The following NCOA1 variants were observed in gnomAD, a reference collection of about 807,000 sequenced individuals.
NCOA1 encodes the protein Hin-2 protein.
A neutral mutation model predicts 150.9 loss-of-function variants in NCOA1; 35 were observed. That is an observed-to-expected ratio of 0.23 (90% confidence interval 0.18 to 0.31). The LOEUF is 0.31. Ranked by LOEUF, NCOA1 falls within the 10% of genes least tolerant of loss-of-function variation. The pLI is 1.00. For synonymous variants in NCOA1, 590 were observed against 630.0 expected, an observed-to-expected ratio of 0.94 and a Z score of 0.95; for missense variants, 1,491 against 1,749.3, an observed-to-expected ratio of 0.85 and a Z score of 2.63.
chr2:24,541,655 T>G (rs1350012569), intron 1 of NCOA1, among the ~76,000 whole-genome samples: 1 of 152,150 alleles, frequency 6.6e-6, no homozygotes, highest in Non-Finnish European at 1.5e-5. Context: ...AAAGATTTTT[T>G]GACATAAAGG....
chr2:24,625,690 T>C (rs1023310114), intron 3 of NCOA1, among the ~76,000 whole-genome samples: 2 of 152,132 alleles, frequency 1.3e-5, no homozygotes, highest in East Asian at 3.9e-4. Flanking sequence ...GATGTTTGTA[T>C]GTATTTTTAT....
chr2:24,627,235 A>G (rs1189344251), intron 3 of NCOA1, among the ~76,000 whole-genome samples: 4 of 150,840 alleles, frequency 2.7e-5, no homozygotes, highest in Non-Finnish European at 1.5e-5. Context: ...TACATGTGAT[A>G]TAAATTAGCA....
chr2:24,495,426 C>G (rs757469844), intron 1 of NCOA1, among the ~76,000 whole-genome samples: 12 of 151,994 alleles, frequency 7.9e-5, no homozygotes, highest in African/African-American at 2.7e-4. Flanking sequence ...TCTAGTCACT[C>G]GAGGAGTTAT....
At chr2:24,586,258 AG>A (rs1667402647) in intron 3 of NCOA1, among the ~76,000 whole-genome samples, 1 of 144,028 alleles carries the variant, frequency 6.9e-6, no homozygotes. Context: ...CCTGGGCGAC[AG>A]AGCAAGACTC....
chr2:24,731,502 G>A (rs1402792095), intron 17 of NCOA1, among the ~76,000 whole-genome samples: 1 of 152,044 alleles, frequency 6.6e-6, no homozygotes, highest in African/African-American at 2.4e-5. Context: ...AACATAATAT[G>A]TAATATAAAA....
intron 3 of NCOA1, among the ~76,000 whole-genome samples, chr2:24,605,913 C>A (rs532842082): frequency 6.6e-6 from 1 of 152,168 alleles, no homozygotes; most frequent in African/African-American, 2.4e-5. Context: ...TGTACCTTTT[C>A]CTACCTGTTA....
intron 1 of NCOA1, among the ~76,000 whole-genome samples, chr2:24,553,172 G>T (rs1197105069): frequency 6.6e-6 from 1 of 151,532 alleles, no homozygotes; most frequent in Non-Finnish European, 1.5e-5. Flanking sequence ...TCTGTTTCTA[G>T]TTTTCTGAGA....
intron 3 of NCOA1, among the ~76,000 whole-genome samples, chr2:24,607,726 C>G (rs1668436282): frequency 6.6e-6 from 1 of 151,272 alleles, no homozygotes; most frequent in Admixed American, 6.6e-5. Flanking sequence ...ACTTTAGTTT[C>G]TTACACTATT....
chr2:24,621,432 ATTTTTTTTTT>A (rs1162282258), intron 3 of NCOA1, among the ~76,000 whole-genome samples: 53 of 38,892 alleles, frequency 1.4e-3, no homozygotes, highest in African/African-American at 3.1e-3. Context: ...ATTCAGGCAG[ATTTTTTTTTT>A]TTTTTTTTTT....
intron 13 of NCOA1, 147 bp from the exon 14 acceptor site, chr2:24,710,784 G>GC: frequency 1.3e-6 from 1 of 747,556 alleles, no homozygotes; most frequent in Admixed American, 2.9e-5. Context: ...TTTCCAAGTA[G>GC]CCCCAATCAT....
chr2:24,635,276 C>T (rs566748884), intron 3 of NCOA1, among the ~76,000 whole-genome samples: 1 of 151,838 alleles, frequency 6.6e-6, no homozygotes, highest in Non-Finnish European at 1.5e-5. Flanking sequence ...AATATGGATT[C>T]ATCATGTACT....
At chr2:24,610,703 A>G (rs1321772796) in intron 3 of NCOA1, among the ~76,000 whole-genome samples, 1 of 151,152 alleles carries the variant, frequency 6.6e-6, no homozygotes, top group African/African-American at 2.4e-5. Flanking sequence ...ATTTTACAAC[A>G]AATTTTGTTG....
intron 13 of NCOA1, among the ~76,000 whole-genome samples, chr2:24,709,563 G>T (rs1317470280): frequency 2.0e-5 from 3 of 151,942 alleles, no homozygotes; most frequent in Non-Finnish European, 4.4e-5. Context: ...TCCTTTATTG[G>T]ACATATATTT....
At chr2:24,592,311 C>T (rs1161110418) in intron 3 of NCOA1, among the ~76,000 whole-genome samples, 3 of 152,020 alleles carry the variant, frequency 2.0e-5, no homozygotes, top group African/African-American at 4.8e-5. Flanking sequence ...ACTCAGTGAC[C>T]TTGTGAAGAG....
intron 2 of NCOA1, among the ~76,000 whole-genome samples, chr2:24,571,914 CT>C (rs1386010464): frequency 2.0e-4 from 31 of 152,176 alleles, no homozygotes; most frequent in Non-Finnish European, 1.0e-4. Flanking sequence ...GCTCATTTTA[CT>C]TTTGATTACT....
chr2:24,548,179 C>T (rs62142276), intron 1 of NCOA1, among the ~76,000 whole-genome samples: 22,521 of 152,020 alleles, frequency 0.15, 2,025 homozygotes, highest in Non-Finnish European at 0.2. Flanking sequence ...ACCTACAGTT[C>T]GACATGACTG....
chr2:24,534,066 TG>T (rs1171085421), intron 1 of NCOA1, among the ~76,000 whole-genome samples: 1 of 147,054 alleles, frequency 6.8e-6, no homozygotes, highest in Non-Finnish European at 1.5e-5. Flanking sequence ...TGAATCCGTC[TG>T]GTCCTGGACT....
chr2:24,769,741 T>A lies in NCOA1; in HGVS notation c.*1350T>A, dbSNP rs747312737. The A allele has an allele frequency of 1.5e-4, 33 of 220,996 alleles. No homozygotes were observed. The highest frequency in any genetic ancestry group is 2.2e-4 in the Non-Finnish European group (24 of 110,238). 13.7% of individuals were successfully genotyped at this position (220,996 alleles called of 1,614,324 possible). A position where few individuals can be genotyped will look rare whatever the true frequency, so the allele number is the denominator to read the frequency against. ...ATCCCATCTCATCCTGGCCTCTGAGTCAAGAACCCAGTGAACTGACTTTCT... is the reference window on the plus strand; with the variant it reads ...ATCCCATCTCATCCTGGCCTCTGAGACAAGAACCCAGTGAACTGACTTTCT... On this transcript the variant is annotated 3_prime_UTR_variant, in exon 23 of 23. Transcript: ENST00000348332.
intron 3 of NCOA1, among the ~76,000 whole-genome samples, chr2:24,607,337 CTGTTTTGCATCTA>C (rs1269462841): frequency 1.3e-5 from 2 of 151,562 alleles, no homozygotes; most frequent in Non-Finnish European, 2.9e-5. Context: ...GTTTTATGTA[CTGTTTTGCATCTA>C]TGATCAAGAG....
Sources: allele counts gnomAD v4.1 joint callset (sites outside exome capture counted in the v4.1 genomes callset), GRCh38; gene constraint gnomAD v4.1.1; transcripts MANE v1.5; gene names NCBI Gene and HGNC (gene_info 2026-07-23, HGNC 2026-07-21).